Variants in C12orf56 observed in about 807,000 individuals in gnomAD.
C12orf56 encodes the protein chromosome 12 open reading frame 56.
In C12orf56, 71 loss-of-function variants were observed where a neutral mutation model predicts 69.9. The ratio of observed to expected loss-of-function variants is 1.02; its 90% confidence interval spans 0.84 to 1.24. The LOEUF (loss-of-function observed/expected upper bound fraction) is 1.24, where lower values mean the gene tolerates loss of function less well. Ranked by LOEUF, C12orf56 falls within the 50% of genes most tolerant of loss-of-function variation. The pLI is 0.00. For missense variants in C12orf56, 732 were observed against 738.5 expected, an observed-to-expected ratio of 0.99 and a Z score of 0.10; for synonymous variants, 276 against 274.1, an observed-to-expected ratio of 1.01 and a Z score of -0.07.
chr12:64,343,954 C>A (rs1242094805), intron 2 of C12orf56, among the ~76,000 whole-genome samples: 5 of 152,070 alleles, frequency 3.3e-5, no homozygotes, highest in Non-Finnish European at 7.4e-5. Flanking sequence ...GGGGAAATGA[C>A]CACAGGATGA....
intron 2 of C12orf56, chr12:64,338,423 A>G: frequency 2.6e-6 from 2 of 768,390 alleles, no homozygotes; most frequent in Non-Finnish European, 2.4e-6. Flanking sequence ...AACTTTGTAC[A>G]TAGGGATTTC....
intron 1 of C12orf56, among the ~76,000 whole-genome samples, chr12:64,361,409 A>T (rs538532898): frequency 3.3e-5 from 5 of 152,082 alleles, no homozygotes; most frequent in Non-Finnish European, 7.4e-5. Flanking sequence ...AAGTCACAGG[A>T]TGAGACAGGA....
chr12:64,339,587 G>C (rs550869931), intron 2 of C12orf56, among the ~76,000 whole-genome samples: 11 of 152,114 alleles, frequency 7.2e-5, no homozygotes, highest in African/African-American at 2.7e-4. Flanking sequence ...TTTTCAGACA[G>C]GGTCTTTCTC....
chr12:64,330,877 G>T (rs2136864956), intron 3 of C12orf56, 83 bp downstream of exon 3: 1 of 1,181,968 alleles, frequency 8.5e-7, no homozygotes, highest in Non-Finnish European at 1.2e-6. Context: ...CATTAGTAGA[G>T]AAAAAAAATT....
chr12:64,390,317 G>C lies in C12orf56; in HGVS notation c.249C>G (p.Asp83Glu), dbSNP rs1284175131. The change falls in exon 1 of 13, where the codon GAC becomes GAG. Residue 83 changes from aspartate (D) to glutamate (E), a missense_variant. Coordinates refer to ENST00000543942, the MANE Select transcript of C12orf56 (RefSeq NM_001170633.2). Reference sequence around the variant, plus strand: ...CCTGCCCACCCGCGCCGCTCACCAGGTCAATGGCCACGACGTCCCGCAGAG... The same window carrying C: ...CCTGCCCACCCGCGCCGCTCACCAGCTCAATGGCCACGACGTCCCGCAGAG... The part of the protein sequence containing the change: ...VVALRDVVAI[D>E]LIDDYPEFLS... 1.2e-6 allele frequency: 2 copies of C among 1,608,160 alleles called. No individual in the cohort carries two copies. Among genetic ancestry groups the C allele is most frequent in the Non-Finnish European group, 8.5e-7 (1 of 1,178,568 alleles).
intron 1 of C12orf56, among the ~76,000 whole-genome samples, chr12:64,360,007 G>A (rs549202595): frequency 3.3e-5 from 5 of 152,126 alleles, no homozygotes; most frequent in East Asian, 3.9e-4. Context: ...GAGCCACTGC[G>A]TCCAGCGAAA....
At chr12:64,383,666 C>G (rs137902751) in intron 1 of C12orf56, among the ~76,000 whole-genome samples, 48 of 152,028 alleles carry the variant, frequency 3.2e-4, no homozygotes, top group African/African-American at 1.1e-3. Flanking sequence ...TGAGCCACCA[C>G]GCTGGGCCCA....
At position 64,379,412 on chromosome 12, in the gene C12orf56, G is replaced by A. The variant is rs1302035406; in HGVS notation, c.252+10902C>T. On this transcript the variant is annotated intron_variant, in intron 1 of 12. Transcript: ENST00000543942. ...CCATTCTCCTGCCTCAGCCTCCTGC[G>A]TAGCTGGGACCACAGGTGCCCGCCA... Among the ~76,000 whole-genome samples the A allele has an allele frequency of 2.6e-5, 4 of 151,758 alleles. No individual in the cohort carries two copies. The East Asian group carries it at 5.9e-4, about 23-fold the overall frequency.
intron 3 of C12orf56, among the ~76,000 whole-genome samples, chr12:64,329,734 A>T (rs1385330563): frequency 7.8e-4 from 101 of 129,190 alleles, no homozygotes; most frequent in African/African-American, 2.9e-3. Flanking sequence ...TGTCCATGTG[A>T]TCTCATTGTT....
At chr12:64,347,226 C>T (rs1156731499) in intron 2 of C12orf56, among the ~76,000 whole-genome samples, 1 of 151,750 alleles carries the variant, frequency 6.6e-6, no homozygotes, top group Non-Finnish European at 1.5e-5. Context: ...GATCTACCCA[C>T]CTCAGCCTCC....
At chr12:64,384,633 T>C (rs1347357829) in intron 1 of C12orf56, among the ~76,000 whole-genome samples, 1 of 152,158 alleles carries the variant, frequency 6.6e-6, no homozygotes, top group African/African-American at 2.4e-5. Flanking sequence ...GTGAAAGGAC[T>C]AGGAGAAAGA....
chr12:64,352,003 C>T (rs1190403980), intron 2 of C12orf56, among the ~76,000 whole-genome samples: 3 of 152,094 alleles, frequency 2.0e-5, no homozygotes, highest in East Asian at 1.9e-4. Flanking sequence ...TTTCCCAAAC[C>T]TTAAACTGGT....
intron 6 of C12orf56, among the ~76,000 whole-genome samples, chr12:64,299,870 G>A (rs1019020380): frequency 6.6e-6 from 1 of 151,834 alleles, no homozygotes; most frequent in Non-Finnish European, 1.5e-5. Context: ...TGTTCAACTC[G>A]GTAGCTACTG....
chr12:64,370,214 G>A (rs533661417), intron 1 of C12orf56, among the ~76,000 whole-genome samples: 9 of 148,812 alleles, frequency 6.0e-5, no homozygotes, highest in Middle Eastern at 7.3e-3. Context: ...GTGTGGTGGC[G>A]GGCACCTGTA....
At chr12:64,279,564 T>G (rs2038097357) in intron 8 of C12orf56, among the ~76,000 whole-genome samples, 1 of 152,212 alleles carries the variant, frequency 6.6e-6, no homozygotes, top group Non-Finnish European at 1.5e-5. Flanking sequence ...ATAAATACCC[T>G]TGTTTAGTAG....
intron 3 of C12orf56, among the ~76,000 whole-genome samples, chr12:64,321,845 T>A (rs2038777859): frequency 1.3e-5 from 2 of 152,198 alleles, no homozygotes; most frequent in East Asian, 1.9e-4. Flanking sequence ...TTGATCATGA[T>A]GTGTTTGGAT....
At chr12:64,293,276 G>T (rs1304981334) in intron 6 of C12orf56, 1 of 152,322 alleles carries the variant, frequency 6.6e-6, no homozygotes, top group South Asian at 2.1e-4. Context: ...AGAGAAACCC[G>T]GTACCTCAGA....
intron 4 of C12orf56, 149 bp from the exon 5 acceptor site, chr12:64,312,901 C>T (rs552274476): frequency 1.5e-4 from 84 of 567,404 alleles, no homozygotes; most frequent in African/African-American, 1.4e-3. Context: ...TTAATAATAC[C>T]ACAGGGAATT....
At chr12:64,300,809 A>G (rs1193913341) in intron 6 of C12orf56, among the ~76,000 whole-genome samples, 2 of 152,162 alleles carry the variant, frequency 1.3e-5, no homozygotes, top group East Asian at 3.9e-4. Context: ...ATGAGCATCT[A>G]CATCTGGATT....
Sources: gnomAD v4.1 joint callset for allele counts (sites outside exome capture counted in the v4.1 genomes callset) on GRCh38, gnomAD v4.1.1 for gene constraint, MANE v1.5 for transcripts, NCBI Gene and HGNC (gene_info 2026-07-23, HGNC 2026-07-21) for gene names.